Variants in NLRP1 observed in about 807,000 individuals in gnomAD.
NLRP1 encodes the protein NACHT, LRR and PYD domains-containing protein 1.
NLRP1 carries 94 observed loss-of-function variants against 136.7 expected under a neutral mutation model. That is an observed-to-expected ratio of 0.69 (90% confidence interval 0.58 to 0.82). The LOEUF (loss-of-function observed/expected upper bound fraction) is 0.82, where lower values mean the gene tolerates loss of function less well. Among genes scored for constraint, NLRP1 ranks in the 40% least tolerant of loss-of-function variants. The pLI, the probability that NLRP1 is intolerant of heterozygous loss-of-function variation, is 0.00. For missense variants in NLRP1, 1,575 were observed against 1,802.7 expected, an observed-to-expected ratio of 0.87 and a Z score of 2.29; for synonymous variants, 690 against 725.1, an observed-to-expected ratio of 0.95 and a Z score of 0.78.
At chr17:5,524,519 G>A (rs1909291176) in intron 12 of NLRP1, among the ~76,000 whole-genome samples, 1 of 152,246 alleles carries the variant, frequency 6.6e-6, no homozygotes, top group African/African-American at 2.4e-5. Flanking sequence ...ACCAAGGGAT[G>A]AGGAAAGCGT....
chr17:5,546,505 C>T (rs1480797615), intron 5 of NLRP1, among the ~76,000 whole-genome samples: 1 of 152,160 alleles, frequency 6.6e-6, no homozygotes, highest in Non-Finnish European at 1.5e-5. Context: ...CTTTTTTGAG[C>T]TCTCCAACCC....
intron 14 of NLRP1, among the ~76,000 whole-genome samples, chr17:5,518,838 A>ATTT (rs35197506): frequency 7.0e-5 from 9 of 129,262 alleles, no homozygotes; most frequent in Admixed American, 5.5e-4. Context: ...CCACAACAGC[A>ATTT]TTTTTTTTTT....
At chr17:5,572,415 C>T (rs1394948116) in intron 3 of NLRP1, among the ~76,000 whole-genome samples, 1 of 152,076 alleles carries the variant, frequency 6.6e-6, no homozygotes, top group African/African-American at 2.4e-5. Context: ...CAAAAACAAT[C>T]CCATTAAAAA....
rs1053796752 is a variant in NLRP1 at position 5,518,069 on chromosome 17, A to C, written c.3916-182T>G. On this transcript the variant is annotated intron_variant, in intron 14 of 16. Coordinates refer to ENST00000572272, the MANE Select transcript of NLRP1 (RefSeq NM_033004.4). Reference sequence around the variant, plus strand: ...ATTTTCCACAGAAGGATGAGGACACAACTGAGTACCTCACGGGTAAGTCAG... The same window carrying C: ...ATTTTCCACAGAAGGATGAGGACACCACTGAGTACCTCACGGGTAAGTCAG... 3.9e-5 allele frequency: 23 copies of C among 595,508 alleles called. No homozygotes were observed. In the East Asian group the frequency reaches 4.6e-4, roughly 12 times the overall value. The allele number at this position is 595,508 out of a possible 1,614,324, so 36.9% of individuals were successfully genotyped here. A position where few individuals can be genotyped will look rare whatever the true frequency, so the allele number is the denominator to read the frequency against.
At chr17:5,547,239 A>G (rs1212870763) in intron 5 of NLRP1, among the ~76,000 whole-genome samples, 4 of 152,138 alleles carry the variant, frequency 2.6e-5, no homozygotes, top group Non-Finnish European at 5.9e-5. Context: ...CATAGCATAC[A>G]TGTCCTAAGT....
At chr17:5,522,094 G>A in intron 12 of NLRP1, among the ~76,000 whole-genome samples, 1 of 152,206 alleles carries the variant, frequency 6.6e-6, no homozygotes, top group East Asian at 1.9e-4. Flanking sequence ...CAAAGTGCTG[G>A]GATTACAGGC....
rs776919667 is a variant in NLRP1, at chr17:5,536,914, T to C, written c.2897A>G (p.Glu966Gly). ...CAGGGCCCTCAGTTCCTGCCTCATCTCATCACTCAGAGTTGTCTGGTCCAG... is the reference window on the plus strand; with the variant it reads ...CAGGGCCCTCAGTTCCTGCCTCATCCCATCACTCAGAGTTGTCTGGTCCAG... The part of the protein sequence containing the change: ...LGLDQTTLSD[E>G]MRQELRALEQ... The change falls in exon 8 of 17, where the codon GAG becomes GGG. Residue 966 changes from glutamate to glycine, a missense_variant. By Grantham distance (98) the Glu-to-Gly change is moderately conservative (BLOSUM62 -2). Transcript: ENST00000572272. 6.2e-7 allele frequency: 1 copy of C among 1,613,676 alleles called. No homozygotes were observed. The highest frequency in any genetic ancestry group is 1.1e-5 in the South Asian group (1 of 91,080).
chr17:5,533,135 G>T, intron 10 of NLRP1, 151 bp from the exon 11 acceptor site: 1 of 1,432,996 alleles, frequency 7.0e-7, no homozygotes, highest in Non-Finnish European at 9.3e-7. Flanking sequence ...CTCCATGGCT[G>T]CCTGCCTGCT....
intron 12 of NLRP1, among the ~76,000 whole-genome samples, chr17:5,523,021 G>A (rs1399009370): frequency 6.6e-6 from 1 of 152,198 alleles, no homozygotes; most frequent in Non-Finnish European, 1.5e-5. Flanking sequence ...GGACACAGGT[G>A]TGTGACCAAG....
intron 5 of NLRP1, among the ~76,000 whole-genome samples, chr17:5,542,965 G>A (rs11659052): frequency 0.047 from 7,150 of 152,196 alleles, 188 homozygotes; most frequent in Middle Eastern, 0.085. Context: ...GAGTAGCTGG[G>A]ATTACAGGTG....
At chr17:5,519,590 G>A (rs1908637322) in intron 14 of NLRP1, among the ~76,000 whole-genome samples, 1 of 151,628 alleles carries the variant, frequency 6.6e-6, no homozygotes, top group Admixed American at 6.6e-5. Context: ...GGCATTACAG[G>A]TGCCTCTCAC....
chr17:5,581,833 C>A (rs1905685854), intron 3 of NLRP1, 26 bp downstream of exon 3: 3 of 1,594,172 alleles, frequency 1.9e-6, no homozygotes, highest in Non-Finnish European at 1.7e-6. Context: ...CCTCACCACC[C>A]CGCCAGGAGC....
chr17:5,568,108 G>A (rs1182864755), intron 3 of NLRP1, among the ~76,000 whole-genome samples: 5 of 151,974 alleles, frequency 3.3e-5, no homozygotes, highest in African/African-American at 4.8e-5. Context: ...CCTAGGTTTG[G>A]GAAATTTTCT....
intron 3 of NLRP1, among the ~76,000 whole-genome samples, chr17:5,572,594 C>A (rs1418730752): frequency 6.6e-6 from 1 of 151,760 alleles, no homozygotes; most frequent in Non-Finnish European, 1.5e-5. Context: ...CCTGTAATCC[C>A]AGCTACTTGG....
chr17:5,501,867 T>C (rs1907105185), exon 16 of NLRP1: 1 of 1,613,826 alleles, frequency 6.2e-7, no homozygotes, highest in Non-Finnish European at 8.5e-7. Flanking sequence ...TGGCTGGTGT[T>C]CCTTCCTGGA....
intron 4 of NLRP1, among the ~76,000 whole-genome samples, chr17:5,553,763 C>T (rs767008345): frequency 6.6e-6 from 1 of 152,150 alleles, no homozygotes; most frequent in African/African-American, 2.4e-5. Flanking sequence ...CCTCATTCTA[C>T]AGCCCTTACC....
At chr17:5,526,703 G>A (rs1909593268) in intron 12 of NLRP1, among the ~76,000 whole-genome samples, 1 of 152,172 alleles carries the variant, frequency 6.6e-6, no homozygotes, top group Non-Finnish European at 1.5e-5. Flanking sequence ...GAGCTCAGCA[G>A]GGCTTGGTGC....
chr17:5,514,597 T>C lies in NLRP1; in HGVS notation c.*157A>G, dbSNP rs200002975. 1 of 1,455,768 alleles carries C rather than the reference T, an allele frequency of 6.9e-7. No individual in the cohort carries two copies. The highest frequency in any genetic ancestry group is 1.5e-5 in the South Asian group (1 of 68,398). The allele number at this position is 1,455,768 out of a possible 1,614,324, so 90.2% of individuals were successfully genotyped here. A position where few individuals can be genotyped will look rare whatever the true frequency, so the allele number is the denominator to read the frequency against. On this transcript the variant is annotated 3_prime_UTR_variant, in exon 17 of 17. Coordinates refer to ENST00000572272, the MANE Select transcript of NLRP1 (RefSeq NM_033004.4). ...GGGGCCCCCTGTGGCATCCCTGGCA[T>C]GGACACATAATGCCCAGCAAAGGCA...
intron 5 of NLRP1, among the ~76,000 whole-genome samples, chr17:5,545,850 C>T (rs1745638334): frequency 6.6e-6 from 1 of 152,232 alleles, no homozygotes; most frequent in Admixed American, 6.5e-5. Flanking sequence ...TGATTTCCTG[C>T]TTGTTGACAA....
Sources: gnomAD v4.1 joint callset for allele counts (sites outside exome capture counted in the v4.1 genomes callset) on GRCh38, gnomAD v4.1.1 for gene constraint, MANE v1.5 for transcripts, NCBI Gene and HGNC (gene_info 2026-07-23, HGNC 2026-07-21) for gene names.